LIPC: variants seen among roughly 807,000 people sequenced by gnomAD.
The protein encoded by LIPC is hepatic triacylglycerol lipase.
Under a neutral mutation model 50.7 loss-of-function variants are expected in LIPC, and 44 were observed. The ratio of observed to expected loss-of-function variants is 0.87; its 90% confidence interval spans 0.68 to 1.11. The LOEUF (loss-of-function observed/expected upper bound fraction) is 1.11, where lower values mean the gene tolerates loss of function less well. Ranked by LOEUF, LIPC falls within the 50% of genes most tolerant of loss-of-function variation. The pLI, the probability that LIPC is intolerant of heterozygous loss-of-function variation, is 0.00. For synonymous variants in LIPC, 271 were observed against 256.4 expected (o/e 1.06, Z -0.54); for missense variants, 697 against 648.2 (o/e 1.08, Z -0.82).
Position 58,543,035 on chromosome 15 carries a change from G to A in LIPC, c.574+384G>A, listed in dbSNP as rs185719285. 1.1e-4 allele frequency among the ~76,000 whole-genome samples: 16 copies of A among 152,310 alleles called. No individual in the cohort carries two copies. In the East Asian group the frequency reaches 2.5e-3, roughly 24 times the overall value. ...TAATTTGCTGTAATTCATCAGCCAC[G>A]TTAGTGCCTCCGTTTCCACATTTGT... On this transcript the variant is annotated intron_variant, in intron 4 of 8. Coordinates refer to ENST00000299022, the MANE Select transcript of LIPC (RefSeq NM_000236.3).
intron 1 of LIPC, among the ~76,000 whole-genome samples, chr15:58,503,658 C>T (rs1254298818): frequency 5.9e-5 from 9 of 152,170 alleles, no homozygotes; most frequent in Admixed American, 2.0e-4. Context: ...TCCACTGGGC[C>T]GCACCACCCA....
chr15:58,498,438 G>T (rs1891852985), intron 1 of LIPC, among the ~76,000 whole-genome samples: 1 of 152,108 alleles, frequency 6.6e-6, no homozygotes, highest in Admixed American at 6.5e-5. Context: ...GGGTGAAATT[G>T]TATCTTGAGG....
chr15:58,457,433 C>T (rs1216068067), intron 1 of LIPC, among the ~76,000 whole-genome samples: 1 of 152,196 alleles, frequency 6.6e-6, no homozygotes, highest in Non-Finnish European at 1.5e-5. Context: ...CTAAGCACTC[C>T]TCAAATTTAC....
chr15:58,545,715 T>C (rs1443648440), intron 4 of LIPC, 27 bp from the exon 5 acceptor site: 1 of 1,600,942 alleles, frequency 6.2e-7, no homozygotes, highest in Admixed American at 1.7e-5. Context: ...TGCTCCTGCG[T>C]AACCCTTACC....
intron 1 of LIPC, among the ~76,000 whole-genome samples, chr15:58,495,360 A>C (rs1595896272): frequency 6.6e-6 from 1 of 152,182 alleles, no homozygotes; most frequent in African/African-American, 2.4e-5. Flanking sequence ...AGCCTATGCA[A>C]CCTTCGTAGA....
chr15:58,519,850 G>T (rs571785490), intron 1 of LIPC, among the ~76,000 whole-genome samples: 1 of 152,242 alleles, frequency 6.6e-6, no homozygotes, highest in East Asian at 1.9e-4. Context: ...CAGATCAGAT[G>T]GGGGGCAGGT....
At chr15:58,537,087 C>G (rs1395419794) in intron 1 of LIPC, among the ~76,000 whole-genome samples, 1 of 152,220 alleles carries the variant, frequency 6.6e-6, no homozygotes, top group African/African-American at 2.4e-5. Context: ...CGCAGGGGAG[C>G]CCACCTTCTA....
intron 1 of LIPC, among the ~76,000 whole-genome samples, chr15:58,463,658 G>T (rs1406443955): frequency 2.6e-5 from 4 of 152,102 alleles, no homozygotes; most frequent in African/African-American, 9.7e-5. Flanking sequence ...GATTGCGCAG[G>T]TATTCACCCG....
At chr15:58,565,361 G>A (rs1169904379) in intron 8 of LIPC, 1 of 1,523,810 alleles carries the variant, frequency 6.6e-7, no homozygotes, top group Admixed American at 2.0e-5. Context: ...ACAATCCCAT[G>A]TGGCTTGACC....
chr15:58,550,740 T>C (rs1893719582), intron 6 of LIPC, among the ~76,000 whole-genome samples: 1 of 150,908 alleles, frequency 6.6e-6, no homozygotes, highest in African/African-American at 2.4e-5. Flanking sequence ...TGACTGAAAC[T>C]GGTCAGGAAC....
At chr15:58,526,522 G>A (rs1201643524) in intron 1 of LIPC, among the ~76,000 whole-genome samples, 1 of 152,212 alleles carries the variant, frequency 6.6e-6, no homozygotes, top group Non-Finnish European at 1.5e-5. Flanking sequence ...CCAAATGGAA[G>A]ATGGGAGGCT....
At chr15:58,535,006 C>G (rs2140898877) in intron 1 of LIPC, among the ~76,000 whole-genome samples, 1 of 152,332 alleles carries the variant, frequency 6.6e-6, no homozygotes, top group Admixed American at 6.5e-5. Flanking sequence ...CCCTTCAACT[C>G]TCATGTCATC....
At chr15:58,537,582 C>T (rs903227891) in intron 1 of LIPC, among the ~76,000 whole-genome samples, 8 of 152,188 alleles carry the variant, frequency 5.3e-5, no homozygotes, top group Non-Finnish European at 8.8e-5. Flanking sequence ...TGTCTCCTGC[C>T]TCTTTATGTA....
chr15:58,505,012 C>A (rs1440835893), intron 1 of LIPC, among the ~76,000 whole-genome samples: 1 of 152,184 alleles, frequency 6.6e-6, no homozygotes, highest in African/African-American at 2.4e-5. Context: ...CTACAAAAAC[C>A]ACAGTCATGC....
chr15:58,517,792 T>G (rs1892529202), intron 1 of LIPC, among the ~76,000 whole-genome samples: 1 of 152,220 alleles, frequency 6.6e-6, no homozygotes, highest in Non-Finnish European at 1.5e-5. Flanking sequence ...TTCAAAGAGA[T>G]TCCACTGACA....
Position 58,520,091 on chromosome 15 carries a change from C to T in LIPC, c.89-18242C>T, listed in dbSNP as rs58017040. Among the ~76,000 whole-genome samples the T allele has an allele frequency of 4.6e-3, 645 of 140,456 alleles. 4 individuals are homozygous for T. Among genetic ancestry groups the T allele is most frequent in the African/African-American group, 0.017 (634 of 37,354 alleles). The allele number at this position is 140,456 out of a possible 152,430, so 92.1% of individuals were successfully genotyped here. ...TTGATTGATATCTGTTTTAGCTTTT[C>T]GGCACCTCAGGTTTTGGGCTGTTTT... On this transcript the variant is annotated intron_variant, in intron 1 of 8. Coordinates refer to ENST00000299022, the MANE Select transcript of LIPC (RefSeq NM_000236.3).
At chr15:58,501,457 A>G (rs544067890) in intron 1 of LIPC, among the ~76,000 whole-genome samples, 27 of 152,046 alleles carry the variant, frequency 1.8e-4, no homozygotes, top group African/African-American at 6.5e-4. Context: ...CTAAAATGAC[A>G]AAGAATTTAG....
intron 1 of LIPC, among the ~76,000 whole-genome samples, chr15:58,441,989 T>C (rs1310110986): frequency 9.9e-5 from 15 of 152,238 alleles, no homozygotes; most frequent in African/African-American, 3.6e-4. Context: ...ATGGTCTGGC[T>C]GACGGCAGAG....
At chr15:58,532,550 T>C (rs1041728161) in intron 1 of LIPC, among the ~76,000 whole-genome samples, 9 of 152,320 alleles carry the variant, frequency 5.9e-5, no homozygotes, top group African/African-American at 2.4e-5. Context: ...AATTAAATAA[T>C]GCATGTTGTA....
Sources: gnomAD v4.1 joint callset for allele counts (sites outside exome capture counted in the v4.1 genomes callset) on GRCh38, gnomAD v4.1.1 for gene constraint, MANE v1.5 for transcripts, NCBI Gene and HGNC (gene_info 2026-07-23, HGNC 2026-07-21) for gene names.